Variants in ACSM3 observed in about 807,000 individuals in gnomAD.
ACSM3 encodes acyl-coenzyme A synthetase ACSM3, mitochondrial.
ACSM3 carries 61 observed loss-of-function variants against 74.1 expected under a neutral mutation model. The observed-to-expected ratio is 0.82, with a 90% CI of 0.67 to 1.02. The LOEUF is 1.02. ACSM3 is among the 50% of genes least tolerant of loss of function. The probability of loss-of-function intolerance (pLI) is 0.00; values close to 1 mark genes in which losing one functional copy is unlikely to be tolerated. For synonymous variants in ACSM3, 213 were observed against 241.5 expected (o/e 0.88, Z 1.09); for missense variants, 660 against 697.0 (o/e 0.95, Z 0.60).
At chr16:20,734,249 C>T (rs1211032651) in intron 1 of ACSM3, 2 of 152,588 alleles carry the variant, frequency 1.3e-5, no homozygotes, top group African/African-American at 4.8e-5. Context: ...TCTTCCGAGT[C>T]CTTTTGTCTT....
At chr16:20,737,253 A>C (rs748347457) in intron 1 of ACSM3, 1 of 1,613,748 alleles carries the variant, frequency 6.2e-7, no homozygotes, top group Non-Finnish European at 8.5e-7. Context: ...GGTGAGATCC[A>C]CTTTATTTTC....
At chr16:20,747,535 T>C (rs1218383709) in intron 1 of ACSM3, among the ~76,000 whole-genome samples, 1 of 152,212 alleles carries the variant, frequency 6.6e-6, no homozygotes, top group African/African-American at 2.4e-5. Context: ...GCTGGGCTGG[T>C]GCTCACCTAA....
intron 4 of ACSM3, among the ~76,000 whole-genome samples, chr16:20,777,860 G>A (rs536034322): frequency 1.4e-4 from 22 of 152,264 alleles, no homozygotes; most frequent in African/African-American, 3.9e-4. Flanking sequence ...TAAGAATGTC[G>A]GACTGGGCAG....
At chr16:20,709,132 G>C (rs1002229236) in intron 1 of ACSM3, among the ~76,000 whole-genome samples, 50 of 152,142 alleles carry the variant, frequency 3.3e-4, no homozygotes, top group African/African-American at 1.2e-3. Context: ...TTTAAAAAAT[G>C]GTGCTAGGAA....
At chr16:20,718,108 G>GAGA (rs1043937989) in intron 1 of ACSM3, among the ~76,000 whole-genome samples, 2 of 151,524 alleles carry the variant, frequency 1.3e-5, no homozygotes, top group Non-Finnish European at 2.9e-5. Flanking sequence ...GAAGGAAAAG[G>GAGA]AGAAGAAGAA....
chr16:20,680,044 AC>A (rs2079406986), intron 1 of ACSM3: 1 of 152,210 alleles, frequency 6.6e-6, no homozygotes, highest in African/African-American at 2.4e-5. Flanking sequence ...TGTACAAAGA[AC>A]CACAAATCGG....
Position 20,780,847 on chromosome 16 carries a change from G to A in ACSM3, c.772G>A (p.Val258Ile). ...THSSFGLGLSVNGRFWLDLTP... is the reference protein window; with the variant it reads ...THSSFGLGLSINGRFWLDLTP... ...CAGCAGTTTTGGTTTAGGATTATCT[G>A]TAAATGGAAGGTATACTTTCACAAA... The change falls in exon 5 of 14, where the codon GTA becomes ATA. Residue 258 changes from valine (V) to isoleucine (I), a missense_variant. Transcript: ENST00000289416. 1.2e-6 allele frequency: 2 copies of A among 1,614,218 alleles called. No homozygotes were observed. Among genetic ancestry groups the A allele is most frequent in the Non-Finnish European group, 1.7e-6 (2 of 1,180,022 alleles).
intron 1 of ACSM3, among the ~76,000 whole-genome samples, chr16:20,765,966 G>C (rs562166787): frequency 1.5e-3 from 223 of 152,132 alleles, no homozygotes; most frequent in African/African-American, 4.9e-3. Flanking sequence ...CTTTCTATGA[G>C]AGCAAGGAGG....
At chr16:20,700,044 T>C (rs1278713867) in intron 1 of ACSM3, among the ~76,000 whole-genome samples, 1 of 152,194 alleles carries the variant, frequency 6.6e-6, no homozygotes, top group African/African-American at 2.4e-5. Context: ...CTGTACTCTC[T>C]TCCCCTGATT....
chr16:20,756,590 T>C (rs2080033731), intron 3 of ACSM3, among the ~76,000 whole-genome samples: 1 of 152,234 alleles, frequency 6.6e-6, no homozygotes, highest in Non-Finnish European at 1.5e-5. Flanking sequence ...AAGTTGCCTT[T>C]TCACTCTGAT....
At chr16:20,756,279 A>G (rs1260626994) in intron 3 of ACSM3, among the ~76,000 whole-genome samples, 1 of 151,884 alleles carries the variant, frequency 6.6e-6, no homozygotes, top group Non-Finnish European at 1.5e-5. Context: ...ATTTCTCCAC[A>G]TCCTCTCCAG....
chr16:20,753,230 G>A (rs1395928298), intron 2 of ACSM3, among the ~76,000 whole-genome samples: 1 of 151,848 alleles, frequency 6.6e-6, no homozygotes, highest in Non-Finnish European at 1.5e-5. Context: ...TTTGGGAGCC[G>A]AGGTGGGCAG....
intron 1 of ACSM3, chr16:20,738,293 C>T (rs1247945612): frequency 7.0e-6 from 3 of 430,460 alleles, no homozygotes; most frequent in Non-Finnish European, 1.4e-5. Context: ...GTACATTAAA[C>T]AGTACACACT....
intron 1 of ACSM3, among the ~76,000 whole-genome samples, chr16:20,713,887 T>C (rs561539518): frequency 6.6e-6 from 1 of 152,308 alleles, no homozygotes; most frequent in East Asian, 1.9e-4. Context: ...GCTGTCTCAT[T>C]GCCAACAGTT....
intron 1 of ACSM3, chr16:20,725,588 G>A (rs11074470): frequency 0.43 from 67,491 of 157,698 alleles, 17,067 homozygotes; most frequent in Non-Finnish European, 0.58. Flanking sequence ...GTCATCGAGG[G>A]GGCTGTCATA....
intron 9 of ACSM3, among the ~76,000 whole-genome samples, chr16:20,789,813 A>G (rs966608345): frequency 6.7e-6 from 1 of 149,206 alleles, no homozygotes; most frequent in African/African-American, 2.5e-5. Flanking sequence ...GGCTGGGATT[A>G]CAGGTGCCCA....
At chr16:20,765,919 C>T (rs1055225811) in intron 1 of ACSM3, among the ~76,000 whole-genome samples, 1 of 152,188 alleles carries the variant, frequency 6.6e-6, no homozygotes, top group Non-Finnish European at 1.5e-5. Flanking sequence ...TCTTGCGTAA[C>T]ATCACATTTA....
At chr16:20,715,422 G>C (rs943338390) in intron 1 of ACSM3, among the ~76,000 whole-genome samples, 4 of 152,064 alleles carry the variant, frequency 2.6e-5, no homozygotes, top group African/African-American at 9.7e-5. Flanking sequence ...TGGCCGACAT[G>C]GTGAAACCCC....
intron 1 of ACSM3, chr16:20,741,875 T>C: frequency 2.6e-6 from 4 of 1,535,098 alleles, no homozygotes; most frequent in Non-Finnish European, 3.5e-6. Context: ...CATTCCGTGC[T>C]GCGCCAGGTC....
Sources: gnomAD v4.1 joint callset for allele counts (sites outside exome capture counted in the v4.1 genomes callset) on GRCh38, gnomAD v4.1.1 for gene constraint, MANE v1.5 for transcripts, NCBI Gene and HGNC (gene_info 2026-07-23, HGNC 2026-07-21) for gene names.